The following GMPS variants were observed in gnomAD, a reference collection of about 807,000 sequenced individuals.
The protein encoded by GMPS is guanosine monophosphate synthase.
GMPS carries 15 observed loss-of-function variants against 77.9 expected under a neutral mutation model. That is an observed-to-expected ratio of 0.19 (90% CI 0.13 to 0.30). The LOEUF is 0.30. GMPS is among the 10% of genes least tolerant of loss of function. GMPS has a pLI of 1.00. For missense variants in GMPS, 590 were observed against 838.8 expected, an observed-to-expected ratio of 0.70 and a Z score of 3.66; for synonymous variants, 224 against 275.9, an observed-to-expected ratio of 0.81 and a Z score of 1.86.
chr3:155,915,271 CTT>C (rs1289450828), intron 8 of GMPS, among the ~76,000 whole-genome samples: 6 of 105,310 alleles, frequency 5.7e-5, no homozygotes, highest in Non-Finnish European at 1.2e-4. Flanking sequence ...GAGTTTTGTT[CTT>C]GTCACTCAGG....
At chr3:155,883,974 G>A (rs530327899) in intron 1 of GMPS, among the ~76,000 whole-genome samples, 25 of 152,112 alleles carry the variant, frequency 1.6e-4, no homozygotes, top group Non-Finnish European at 3.1e-4. Flanking sequence ...TTAAACCTAC[G>A]CAAAGATAAC....
rs183543981 is a variant in GMPS at position 155,881,650 on chromosome 3, C to T, written c.27+10753C>T. Among the ~76,000 whole-genome samples the T allele has an allele frequency of 2.4e-3, 361 of 152,124 alleles. 1 individual carries two copies. The highest frequency in any genetic ancestry group is 8.5e-3 in the African/African-American group (352 of 41,502). The stretch of plus-strand genomic sequence containing the variant: ...CAAACATAAGCACTTATTTTTTGTT[C>T]GTGAGTTTGTGGGTCAGCTGACATT... On this transcript the variant is annotated intron_variant, in intron 1 of 15. Transcript: ENST00000496455.
At position 155,943,589 on chromosome 3, in the gene GMPS, T is replaced by A. The variant is rs1048430587; in HGVS notation, c.*5897T>A. 28 of 178,858 alleles carry A rather than the reference T, an allele frequency of 1.6e-4. No homozygotes were observed. The Admixed American group carries it at 1.6e-3, about 10-fold the overall frequency. 11.1% of individuals were successfully genotyped at this position (178,858 alleles called of 1,614,324 possible). A position where few individuals can be genotyped will look rare whatever the true frequency, so the allele number is the denominator to read the frequency against. ...TTAATTGGAGTAAGTAGTATTGTTATGAAATCACTGTGTAATTGTTAATTG... is the reference window on the plus strand; with the variant it reads ...TTAATTGGAGTAAGTAGTATTGTTAAGAAATCACTGTGTAATTGTTAATTG... On this transcript the variant is annotated 3_prime_UTR_variant, in exon 16 of 16. Transcript: ENST00000496455.
Position 155,935,622 on chromosome 3 carries a change from G to A in GMPS, c.1807+576G>A, listed in dbSNP as rs553400873. 3.3e-5 allele frequency among the ~76,000 whole-genome samples: 5 copies of A among 152,294 alleles called. No individual in the cohort carries two copies. In the South Asian group the frequency reaches 8.3e-4, roughly 25 times the overall value. On this transcript the variant is annotated intron_variant, in intron 14 of 15. Coordinates refer to ENST00000496455, the MANE Select transcript of GMPS (RefSeq NM_003875.3). ...CCCAGCTGAGTTTGAACAAGGTGAC[G>A]CTATGCCTTCTTGTTTTCAGCTCTC... is the stretch of plus-strand genomic sequence containing the variant.
intron 7 of GMPS, among the ~76,000 whole-genome samples, chr3:155,912,243 A>G (rs1348957722): frequency 6.6e-6 from 1 of 152,232 alleles, no homozygotes; most frequent in Admixed American, 6.5e-5. Flanking sequence ...AAATAACAGT[A>G]AAAGCATAAA....
intron 12 of GMPS, among the ~76,000 whole-genome samples, chr3:155,928,179 G>T (rs1038946487): frequency 6.6e-6 from 1 of 151,596 alleles, no homozygotes; most frequent in African/African-American, 2.4e-5. Context: ...GGCACACGCC[G>T]CCATACCTGG....
intron 12 of GMPS, 52 bp downstream of exon 12, chr3:155,925,418 T>C: frequency 3.4e-6 from 5 of 1,449,774 alleles, no homozygotes; most frequent in Non-Finnish European, 4.7e-6. Context: ...TTTTTTTCTT[T>C]TCTTGAGACG....
Position 155,881,074 on chromosome 3 carries a change from A to G in GMPS, c.27+10177A>G, listed in dbSNP as rs189668700. Among the ~76,000 whole-genome samples, 169 of 151,926 alleles carry G rather than the reference A, an allele frequency of 1.1e-3. 1 individual carries two copies. Among genetic ancestry groups the G allele is most frequent in the Admixed American group, 9.6e-3 (146 of 15,246 alleles). On this transcript the variant is annotated intron_variant, in intron 1 of 15. Coordinates refer to ENST00000496455, the MANE Select transcript of GMPS (RefSeq NM_003875.3). ...AAGGCAGAATCAAAATATGTTATTA[A>G]TATTTATTGTATATATTTATGGGGT...
chr3:155,891,399 G>C (rs1754458061), intron 1 of GMPS, among the ~76,000 whole-genome samples: 1 of 152,124 alleles, frequency 6.6e-6, no homozygotes, highest in Admixed American at 6.6e-5. Flanking sequence ...AATCCATGAA[G>C]GGGTGTGTGT....
At chr3:155,937,471 T>A in intron 15 of GMPS, 120 bp from the exon 16 acceptor site, 1 of 624,150 alleles carries the variant, frequency 1.6e-6, no homozygotes, top group Non-Finnish European at 2.9e-6. Context: ...AACCATCCCA[T>A]ATACATGGAG....
chr3:155,929,604 T>C (rs982809069), intron 12 of GMPS, among the ~76,000 whole-genome samples: 3 of 146,152 alleles, frequency 2.1e-5, no homozygotes, highest in African/African-American at 7.6e-5. Context: ...TGATTGTATA[T>C]CTAGAAAACC....
chr3:155,906,586 A>G (rs1754888946), intron 5 of GMPS, among the ~76,000 whole-genome samples: 1 of 152,214 alleles, frequency 6.6e-6, no homozygotes, highest in Admixed American at 6.5e-5. Flanking sequence ...CTGTCTTCAT[A>G]CTATACTATA....
intron 1 of GMPS, among the ~76,000 whole-genome samples, chr3:155,889,751 A>G (rs2108067925): frequency 6.6e-6 from 1 of 152,276 alleles, no homozygotes. Context: ...AGTTTGCTGT[A>G]TATGGTTTAA....
intron 13 of GMPS, among the ~76,000 whole-genome samples, chr3:155,933,938 A>G (rs1221280573): frequency 6.6e-6 from 1 of 152,200 alleles, no homozygotes; most frequent in Non-Finnish European, 1.5e-5. Context: ...TTTGTGGTGT[A>G]TCTTCATGTC....
intron 13 of GMPS, among the ~76,000 whole-genome samples, chr3:155,933,515 A>T (rs192961243): frequency 6.7e-6 from 1 of 149,634 alleles, no homozygotes; most frequent in Admixed American, 6.7e-5. Flanking sequence ...TGTTTAGAAA[A>T]ATTATAACTT....
chr3:155,893,027 C>T (rs564644286), intron 1 of GMPS, among the ~76,000 whole-genome samples: 1 of 152,280 alleles, frequency 6.6e-6, no homozygotes, highest in South Asian at 2.1e-4. Context: ...TGAATTTGGC[C>T]ATGCTTATAC....
chr3:155,915,977 A>C (rs762250824), intron 8 of GMPS, 42 bp from the exon 9 acceptor site: 1 of 1,434,492 alleles, frequency 7.0e-7, no homozygotes, highest in Non-Finnish European at 9.6e-7. Context: ...CTTTTAAAAA[A>C]AGTTATCTCT....
intron 3 of GMPS, among the ~76,000 whole-genome samples, chr3:155,899,198 G>A (rs1415144275): frequency 1.3e-5 from 2 of 152,028 alleles, no homozygotes; most frequent in African/African-American, 2.4e-5. Context: ...AGAAACCCCC[G>A]TCTCTACTAA....
chr3:155,916,005 C>G lies in GMPS; in HGVS notation c.1039-14C>G. 1 of 1,601,498 alleles carries G rather than the reference C, an allele frequency of 6.2e-7. No individual in the cohort carries two copies. The highest frequency in any genetic ancestry group is 1.7e-5 in the Admixed American group (1 of 58,812). On this transcript the variant is annotated splice_polypyrimidine_tract_variant and intron_variant, in intron 8 of 15. Transcript: ENST00000496455. ...TTATCTCTTACAAGGCTGTTTTACT[C>G]CTGTTGATTATAGATTGCCAATGAA...
Sources: gnomAD v4.1 joint callset for allele counts (sites outside exome capture counted in the v4.1 genomes callset) on GRCh38, gnomAD v4.1.1 for gene constraint, MANE v1.5 for transcripts, NCBI Gene and HGNC (gene_info 2026-07-23, HGNC 2026-07-21) for gene names.